The following KDM4B variants were observed in gnomAD, a reference collection of about 807,000 sequenced individuals.
KDM4B encodes the protein lysine demethylase 4B.
In KDM4B, 32 loss-of-function variants were observed where a neutral mutation model predicts 125.2. The observed-to-expected ratio is 0.26, with a 90% CI of 0.19 to 0.34. KDM4B has a LOEUF of 0.34. KDM4B is among the 10% of genes least tolerant of loss of function. The pLI is 1.00. For missense variants in KDM4B, 1,190 were observed against 1,577.7 expected (o/e 0.75, Z 4.16); for synonymous variants, 721 against 677.9 (o/e 1.06, Z -0.99).
intron 1 of KDM4B, among the ~76,000 whole-genome samples, chr19:4,991,111 C>T (rs188808140): frequency 1.6e-3 from 247 of 152,134 alleles, no homozygotes; most frequent in Admixed American, 3.3e-3. Flanking sequence ...GAGTGAGACT[C>T]GGTCTCAAAA....
At position 5,151,377 on chromosome 19, in the gene KDM4B, G is replaced by A. The variant is rs750996726; in HGVS notation, c.3157G>A (p.Glu1053Lys). 11 of 1,588,936 alleles carry A rather than the reference G, an allele frequency of 6.9e-6. No homozygotes were observed. The South Asian group carries it at 1.2e-4, about 18-fold the overall frequency. ...ACCGCAGGAGCCCGCCTTCTCGGGGGAGGAGGCCAAGGCCGCCAAGCGCCC... is the reference window on the plus strand; with the variant it reads ...ACCGCAGGAGCCCGCCTTCTCGGGGAAGGAGGCCAAGGCCGCCAAGCGCCC... ...GAPQEPAFSG[E>K]EAKAAKRPRV... Residue 1053 changes from glutamate to lysine, a missense_variant, in exon 23 of 23, where the codon GAG becomes AAG. Around this residue, in one of 7 missense-constraint regions of KDM4B, gnomAD observed 109 missense variants for 93.8 expected, o/e 1.16. Coordinates refer to ENST00000159111, the MANE Select transcript of KDM4B (RefSeq NM_015015.3).
Position 5,082,564 on chromosome 19 carries a change from T to C in KDM4B, c.918+60T>C, listed in dbSNP as rs1007696856. On this transcript the variant is annotated intron_variant, in intron 9 of 22. Coordinates refer to ENST00000159111, the MANE Select transcript of KDM4B (RefSeq NM_015015.3). This position sits in a 1 kb window ranked among gnomAD's most constrained non-coding sequence, Gnocchi z 5.4. ...GGGCGGGAGGAGGCTCTTTTTTGCC[T>C]CTGCAGCCACACGCCCATAGCTGGT... 4 of 1,516,668 alleles carry C rather than the reference T, an allele frequency of 2.6e-6. No individual in the cohort carries two copies. Among genetic ancestry groups the C allele is most frequent in the Non-Finnish European group, 3.5e-6 (4 of 1,136,010 alleles). The allele number at this position is 1,516,668 out of a possible 1,614,324, so 94.0% of individuals were successfully genotyped here. A position where few individuals can be genotyped will look rare whatever the true frequency, so the allele number is the denominator to read the frequency against.
At chr19:4,991,559 T>C (rs2035032418) in intron 1 of KDM4B, among the ~76,000 whole-genome samples, 1 of 152,244 alleles carries the variant, frequency 6.6e-6, no homozygotes, top group Non-Finnish European at 1.5e-5. Flanking sequence ...TTTACATAAC[T>C]TTAGTGTCCC....
At position 5,089,096 on chromosome 19, in the gene KDM4B, C is replaced by T. The variant is rs147004483; in HGVS notation, c.918+6592C>T. On this transcript the variant is annotated intron_variant, in intron 9 of 22. Coordinates refer to ENST00000159111, the MANE Select transcript of KDM4B (RefSeq NM_015015.3). ...GGGTTTTCTTTGGAGGATGAAAATG[C>T]TCTACCTTTGATGGCGAAGATGGTC... 4.0e-3 allele frequency among the ~76,000 whole-genome samples: 602 copies of T among 152,278 alleles called. 4 individuals are homozygous for T. Among genetic ancestry groups the T allele is most frequent in the African/African-American group, 0.014 (587 of 41,566 alleles).
intron 8 of KDM4B, among the ~76,000 whole-genome samples, chr19:5,080,185 A>G (rs1406589824): frequency 1.3e-5 from 2 of 152,246 alleles, no homozygotes; most frequent in Non-Finnish European, 2.9e-5. Flanking sequence ...AAAGAAAAAT[A>G]TCACAGTGTT....
At chr19:4,990,338 C>T (rs1483916854) in intron 1 of KDM4B, among the ~76,000 whole-genome samples, 1 of 152,122 alleles carries the variant, frequency 6.6e-6, no homozygotes, top group African/African-American at 2.4e-5. Context: ...CAGTTCACTT[C>T]CACCCAAAAA....
chr19:5,024,863 G>T (rs376846664), intron 2 of KDM4B, among the ~76,000 whole-genome samples: 14 of 152,188 alleles, frequency 9.2e-5, no homozygotes, highest in Admixed American at 7.2e-4. Flanking sequence ...CAGGAGAATT[G>T]CTTGAACCCG....
intron 11 of KDM4B, 112 bp downstream of exon 11, chr19:5,119,964 A>G (rs2039330499): frequency 7.6e-7 from 1 of 1,321,108 alleles, no homozygotes. Context: ...TAAGAATCTG[A>G]TTCAGTGGCT....
At chr19:5,018,950 T>G (rs1249971345) in intron 2 of KDM4B, among the ~76,000 whole-genome samples, 1 of 152,226 alleles carries the variant, frequency 6.6e-6, no homozygotes, top group Admixed American at 6.5e-5. Flanking sequence ...GGCGACCTGC[T>G]CCCCTGCTGA....
chr19:5,124,432 G>GT (rs2039415760), intron 11 of KDM4B, among the ~76,000 whole-genome samples: 1 of 152,168 alleles, frequency 6.6e-6, no homozygotes, highest in Non-Finnish European at 1.5e-5. Flanking sequence ...TGGGTTCTCA[G>GT]TGGGGCCTCC....
intron 1 of KDM4B, among the ~76,000 whole-genome samples, chr19:4,989,658 CT>C (rs111275194): frequency 2.9e-4 from 42 of 144,468 alleles, no homozygotes; most frequent in African/African-American, 6.6e-4. Flanking sequence ...TCTTCTTCTT[CT>C]TTTTTTTTTG....
intron 3 of KDM4B, among the ~76,000 whole-genome samples, chr19:5,036,846 C>T (rs1204115987): frequency 6.6e-6 from 1 of 152,254 alleles, no homozygotes; most frequent in African/African-American, 2.4e-5. Flanking sequence ...TTCCGCCCTG[C>T]GGGATTTTCC....
At chr19:4,990,799 TTGGTTCCCTTTATTA>T (rs1435649251) in intron 1 of KDM4B, among the ~76,000 whole-genome samples, 2 of 152,208 alleles carry the variant, frequency 1.3e-5, no homozygotes, top group Non-Finnish European at 2.9e-5. Context: ...TATTCTTGTG[TTGGTTCCCTTTATTA>T]TTTTTTTTAA....
chr19:5,026,391 C>T (rs1599444509), intron 2 of KDM4B, among the ~76,000 whole-genome samples: 2 of 152,238 alleles, frequency 1.3e-5, no homozygotes, highest in Admixed American at 6.5e-5. Context: ...GATCACAGCT[C>T]ACTGCGGCCT....
intron 11 of KDM4B, among the ~76,000 whole-genome samples, chr19:5,126,826 G>A (rs899157856): frequency 6.6e-6 from 1 of 152,234 alleles, no homozygotes; most frequent in African/African-American, 2.4e-5. Flanking sequence ...GGGGCTGGTT[G>A]GCCCAGGCAT....
chr19:5,082,507 A>G lies in KDM4B; in HGVS notation c.918+3A>G, dbSNP rs953216213. ...ACTACGGCAAAGTGGCCACTCAGGTAAAAGCTTGCCTGCTGGGAACGGGTC... is the reference window on the plus strand; with the variant it reads ...ACTACGGCAAAGTGGCCACTCAGGTGAAAGCTTGCCTGCTGGGAACGGGTC... On this transcript the variant is annotated splice_donor_region_variant and intron_variant, in intron 9 of 22. Transcript: ENST00000159111. This position sits in a 1 kb window ranked among gnomAD's most constrained non-coding sequence, Gnocchi z 5.4. The G allele has an allele frequency of 1.9e-6, 3 of 1,593,006 alleles. No homozygotes were observed. The highest frequency in any genetic ancestry group is 1.3e-5 in the African/African-American group (1 of 74,682).
intron 9 of KDM4B, among the ~76,000 whole-genome samples, chr19:5,093,906 G>A (rs1213921494): frequency 6.6e-6 from 1 of 152,238 alleles, no homozygotes; most frequent in African/African-American, 2.4e-5. Context: ...GCGGCCTGGT[G>A]TGTCTGCCAC....
At chr19:5,144,725 G>C in intron 20 of KDM4B, 58 bp from the exon 21 acceptor site, 2 of 1,603,502 alleles carry the variant, frequency 1.2e-6, no homozygotes, top group Non-Finnish European at 1.7e-6. Flanking sequence ...CTAAAACCCA[G>C]CGACAGCCCC....
At chr19:5,040,536 C>T (rs1231809097) in intron 4 of KDM4B, among the ~76,000 whole-genome samples, 1 of 152,208 alleles carries the variant, frequency 6.6e-6, no homozygotes, top group African/African-American at 2.4e-5. Context: ...TCCATGTGGG[C>T]ACACCTATGG....
Sources: gnomAD v4.1 joint callset for allele counts (sites outside exome capture counted in the v4.1 genomes callset) on GRCh38, gnomAD v4.1.1 for gene constraint, gnomAD v4.1.1 regional missense constraint, Gnocchi (gnomAD v3.1) non-coding constraint, MANE v1.5 for transcripts, NCBI Gene and HGNC (gene_info 2026-07-23, HGNC 2026-07-21) for gene names.